PMS1: variants seen among roughly 807,000 people sequenced by gnomAD.
PMS1 encodes PMS1 homolog 1, mismatch repair system component.
A neutral mutation model predicts 93.1 loss-of-function variants in PMS1; 79 were observed. The observed-to-expected ratio is 0.85, with a 90% CI of 0.71 to 1.02. The LOEUF (loss-of-function observed/expected upper bound fraction) is 1.02. PMS1 is among the 50% of genes least tolerant of loss of function. The pLI, the probability that PMS1 is intolerant of heterozygous loss-of-function variation, is 0.00. For synonymous variants in PMS1, 335 were observed against 363.4 expected, an observed-to-expected ratio of 0.92 and a Z score of 0.89; for missense variants, 1,064 against 1,085.3, an observed-to-expected ratio of 0.98 and a Z score of 0.28.
chr2:189,806,328 G>A (rs190511720), intron 4 of PMS1: 89 of 252,698 alleles, frequency 3.5e-4, no homozygotes, highest in African/African-American at 1.4e-3. Flanking sequence ...TACTTGTAAT[G>A]TAGTTAGTGT....
chr2:189,851,353 G>A (rs1195597373), intron 6 of PMS1, among the ~76,000 whole-genome samples: 2 of 152,084 alleles, frequency 1.3e-5, no homozygotes, highest in Non-Finnish European at 2.9e-5. Context: ...GTCTTTCAGA[G>A]GCTAAACAGG....
At chr2:189,843,651 T>C (rs2054000146) in intron 5 of PMS1, among the ~76,000 whole-genome samples, 1 of 152,230 alleles carries the variant, frequency 6.6e-6, no homozygotes, top group Admixed American at 6.5e-5. Flanking sequence ...GTGAAACTGT[T>C]TTATGCCAGG....
rs191885625 is a variant in PMS1 at position 189,801,975 on chromosome 2, C to T, written c.316-3677C>T. Among the ~76,000 whole-genome samples, 4 of 152,238 alleles carry T rather than the reference C, an allele frequency of 2.6e-5. No homozygotes were observed. In the East Asian group the frequency reaches 7.7e-4, roughly 29 times the overall value. On this transcript the variant is annotated intron_variant, in intron 3 of 12. Coordinates refer to ENST00000441310, the MANE Select transcript of PMS1 (RefSeq NM_000534.5). ...GAAATCCTTTCTAAAATGTAATAGC[C>T]ATTCATAGGTAAATTCCTTCTAATT... is the stretch of plus-strand genomic sequence containing the variant.
At chr2:189,813,691 C>T (rs2051034622) in intron 4 of PMS1, among the ~76,000 whole-genome samples, 1 of 152,118 alleles carries the variant, frequency 6.6e-6, no homozygotes, top group South Asian at 2.1e-4. Flanking sequence ...CAAAGGATTG[C>T]TGTCATATGC....
At position 189,791,942 on chromosome 2, in the gene PMS1, G is replaced by T; in HGVS notation, c.132+1G>T. ...TGCCACAAGCGTAGATGTTAAACTG[G>T]TGAGTGTCCTTGAGAACCCAAATAC... On this transcript the variant is annotated splice_donor_variant, in intron 2 of 12. Coordinates refer to ENST00000441310, the MANE Select transcript of PMS1 (RefSeq NM_000534.5). LOFTEE classifies it high-confidence loss of function. 1 of 1,613,820 alleles carries T rather than the reference G, an allele frequency of 6.2e-7. No individual in the cohort carries two copies. Among genetic ancestry groups the T allele is most frequent in the African/African-American group, 1.3e-5 (1 of 75,046 alleles).
intron 4 of PMS1, among the ~76,000 whole-genome samples, chr2:189,815,497 T>C (rs2051216410): frequency 6.6e-6 from 1 of 152,074 alleles, no homozygotes; most frequent in African/African-American, 2.4e-5. Flanking sequence ...GATCCAATGG[T>C]TTTTATAAGT....
At chr2:189,812,233 G>A (rs770918045) in intron 4 of PMS1, among the ~76,000 whole-genome samples, 13 of 152,124 alleles carry the variant, frequency 8.5e-5, no homozygotes, top group South Asian at 2.1e-4. Context: ...CCCAGGAGGC[G>A]GAGGTTGCAG....
At chr2:189,828,479 ACACT>A (rs2052643528) in intron 5 of PMS1, among the ~76,000 whole-genome samples, 2 of 152,214 alleles carry the variant, frequency 1.3e-5, no homozygotes, top group Admixed American at 6.5e-5. Flanking sequence ...AATGCTTTAA[ACACT>A]CAATTGCAGA....
intron 10 of PMS1, 78 bp from the exon 11 acceptor site, chr2:189,867,721 C>T (rs1016009263): frequency 1.4e-5 from 14 of 978,500 alleles, no homozygotes; most frequent in Non-Finnish European, 2.3e-5. Context: ...TGTCAAAGGG[C>T]CCTAGGATTA....
rs776371717 is a variant in PMS1, at chr2:189,854,095, A to C, written c.966+13A>C. On this transcript the variant is annotated intron_variant, in intron 8 of 12. Transcript: ENST00000441310. ...ATTACAAAATAAGGTAACTCTTTTC[A>C]GATAATTTTTTCTTATGCTATTTAT... The C allele has an allele frequency of 1.3e-5, 21 of 1,558,344 alleles. No individual in the cohort carries two copies. Among genetic ancestry groups the C allele is most frequent in the Admixed American group, 5.2e-5 (3 of 58,128 alleles).
intron 9 of PMS1, among the ~76,000 whole-genome samples, chr2:189,859,822 T>C (rs1035201497): frequency 5.3e-5 from 8 of 152,160 alleles, no homozygotes; most frequent in African/African-American, 1.9e-4. Flanking sequence ...AAAATGAGAA[T>C]TAAAAAAACT....
At chr2:189,799,862 A>C (rs2049725644) in intron 3 of PMS1, among the ~76,000 whole-genome samples, 1 of 152,202 alleles carries the variant, frequency 6.6e-6, no homozygotes, top group Non-Finnish European at 1.5e-5. Flanking sequence ...TCAGGACAAC[A>C]TTGCCCTATG....
intron 3 of PMS1, among the ~76,000 whole-genome samples, chr2:189,797,709 A>G (rs1051566198): frequency 2.0e-5 from 3 of 152,210 alleles, no homozygotes; most frequent in African/African-American, 7.2e-5. Flanking sequence ...TGGCACAGAA[A>G]TGAGATACTG....
chr2:189,787,670 T>C (rs2048485018), intron 1 of PMS1, among the ~76,000 whole-genome samples: 1 of 152,142 alleles, frequency 6.6e-6, no homozygotes, highest in Non-Finnish European at 1.5e-5. Flanking sequence ...ATTATAGTTC[T>C]GTTGAACAGT....
intron 4 of PMS1, chr2:189,806,038 C>A: frequency 2.4e-6 from 2 of 848,712 alleles, no homozygotes; most frequent in Non-Finnish European, 3.4e-6. Flanking sequence ...GCTGGATTAC[C>A]AGTGTCATCT....
intron 5 of PMS1, among the ~76,000 whole-genome samples, chr2:189,840,020 A>G (rs2053691032): frequency 6.6e-6 from 1 of 152,226 alleles, no homozygotes; most frequent in African/African-American, 2.4e-5. Context: ...ACACACCATA[A>G]TTTTGTTTAG....
chr2:189,835,052 A>G (rs1314167680), intron 5 of PMS1, among the ~76,000 whole-genome samples: 3 of 152,242 alleles, frequency 2.0e-5, no homozygotes, highest in African/African-American at 7.2e-5. Flanking sequence ...TACATGGTTG[A>G]AAACCCAAAA....
intron 3 of PMS1, among the ~76,000 whole-genome samples, chr2:189,803,336 T>C (rs1270704745): frequency 6.6e-6 from 1 of 152,230 alleles, no homozygotes; most frequent in Non-Finnish European, 1.5e-5. Context: ...AATTTTAATT[T>C]TGTAATGATA....
At chr2:189,803,521 A>G (rs1399560092) in intron 3 of PMS1, among the ~76,000 whole-genome samples, 2 of 152,108 alleles carry the variant, frequency 1.3e-5, no homozygotes, top group Non-Finnish European at 2.9e-5. Context: ...CCATTCCTCA[A>G]TGTCTCTAGT....
Sources: allele counts gnomAD v4.1 joint callset (sites outside exome capture counted in the v4.1 genomes callset), GRCh38; gene constraint gnomAD v4.1.1; transcripts MANE v1.5; gene names NCBI Gene and HGNC (gene_info 2026-07-23, HGNC 2026-07-21).